Variants in TBL1X observed in about 807,000 individuals in gnomAD.
The protein encoded by TBL1X is F-box-like/WD repeat-containing protein TBL1X.
TBL1X carries 10 observed loss-of-function variants against 50.7 expected under a neutral mutation model. The ratio of observed to expected loss-of-function variants is 0.20; its 90% CI spans 0.12 to 0.33. The LOEUF is 0.33. Ranked by LOEUF, TBL1X falls within the 10% of genes least tolerant of loss-of-function variation. The probability of loss-of-function intolerance (pLI) is 1.00; values close to 1 mark genes in which losing one functional copy is unlikely to be tolerated. For missense variants in TBL1X, 340 were observed against 504.4 expected, an observed-to-expected ratio of 0.67 and a Z score of 3.12; for synonymous variants, 190 against 214.7, an observed-to-expected ratio of 0.88 and a Z score of 1.01.
chrX:9,590,089 A>G (rs752859228), intron 2 of TBL1X, among the ~76,000 whole-genome samples: 7 of 112,345 alleles, frequency 6.2e-5, no homozygotes, highest in Non-Finnish European at 1.1e-4. Flanking sequence ...TGACAAGGGA[A>G]GAACGGGGAA....
intron 5 of TBL1X, among the ~76,000 whole-genome samples, chrX:9,669,647 A>G (rs1325602701): frequency 1.8e-5 from 2 of 111,760 alleles, no homozygotes; most frequent in Non-Finnish European, 3.8e-5. Flanking sequence ...TGCCTTTGTC[A>G]TGCAAGCCCT....
intron 2 of TBL1X, among the ~76,000 whole-genome samples, chrX:9,580,069 A>G (rs1054469032): frequency 8.0e-5 from 9 of 112,514 alleles, no homozygotes; most frequent in Non-Finnish European, 1.5e-4. Context: ...ATGGCCTGTG[A>G]CACAGCCCTC....
intron 1 of TBL1X, among the ~76,000 whole-genome samples, chrX:9,476,160 A>G (rs1031199758): frequency 8.9e-6 from 1 of 112,295 alleles, no homozygotes; most frequent in African/African-American, 3.2e-5. Context: ...ATTTTTTACT[A>G]TCTAGATTGA....
At chrX:9,481,832 T>A (rs1020376483) in intron 1 of TBL1X, among the ~76,000 whole-genome samples, 5 of 112,425 alleles carry the variant, frequency 4.4e-5, no homozygotes, top group African/African-American at 1.6e-4. Context: ...TAATGTGAGA[T>A]TTCTTAGGGA....
chrX:9,557,487 G>A (rs897184130), intron 2 of TBL1X, among the ~76,000 whole-genome samples: 5 of 110,716 alleles, frequency 4.5e-5, no homozygotes, highest in Admixed American at 1.9e-4. Context: ...GGGCTGAGGC[G>A]ACTGGACTGG....
intron 1 of TBL1X, among the ~76,000 whole-genome samples, chrX:9,482,304 C>T (rs1233295881): frequency 8.9e-6 from 1 of 111,757 alleles, no homozygotes; most frequent in Non-Finnish European, 1.9e-5. Context: ...AGTCTAATGT[C>T]TGGATAAATT....
At chrX:9,567,320 A>G (rs2082356403) in intron 2 of TBL1X, among the ~76,000 whole-genome samples, 2 of 111,013 alleles carry the variant, frequency 1.8e-5, no homozygotes, top group South Asian at 7.7e-4. Context: ...TGGCCTCCTT[A>G]TCTTGCAGCT....
chrX:9,503,239 C>T (rs749031683), intron 2 of TBL1X, among the ~76,000 whole-genome samples: 1 of 111,992 alleles, frequency 8.9e-6, no homozygotes. Flanking sequence ...CCAGATAAGG[C>T]AGGAGGTGAG....
At chrX:9,581,452 A>T (rs1434889665) in intron 2 of TBL1X, among the ~76,000 whole-genome samples, 3 of 111,527 alleles carry the variant, frequency 2.7e-5, no homozygotes, top group African/African-American at 9.8e-5. Flanking sequence ...TAGGGCTCTG[A>T]TGCTCACCAG....
At chrX:9,644,542 G>A (rs902011483) in intron 3 of TBL1X, 13 of 112,190 alleles carry the variant, frequency 1.2e-4, no homozygotes, top group Admixed American at 6.6e-4. Context: ...TGCCGTTGAC[G>A]TGCATGTGGG....
chrX:9,488,606 CAT>C (rs1302352533), intron 1 of TBL1X, among the ~76,000 whole-genome samples: 3 of 111,976 alleles, frequency 2.7e-5, no homozygotes, highest in Non-Finnish European at 5.6e-5. Context: ...TATAAGGAAA[CAT>C]ATTCTCAGGT....
At chrX:9,714,850 AT>A in intron 16 of TBL1X, 51 bp from the exon 17 acceptor site, 1 of 1,118,913 alleles carries the variant, frequency 8.9e-7, no homozygotes, top group South Asian at 1.9e-5. Context: ...CCACACCTGC[AT>A]CTGTCGCAGG....
At chrX:9,550,960 A>AC (rs2082267760) in intron 2 of TBL1X, among the ~76,000 whole-genome samples, 4 of 109,407 alleles carry the variant, frequency 3.7e-5, no homozygotes, top group African/African-American at 1.4e-4. Flanking sequence ...TGTGCAGGAC[A>AC]GCCCCCCCCC....
At chrX:9,538,669 G>A (rs1158992937) in intron 2 of TBL1X, among the ~76,000 whole-genome samples, 1 of 112,456 alleles carries the variant, frequency 8.9e-6, no homozygotes. Context: ...TTGTACCGAA[G>A]GGTGAGGGGG....
At chrX:9,555,293 T>C (rs1280765990) in intron 2 of TBL1X, among the ~76,000 whole-genome samples, 2 of 111,234 alleles carry the variant, frequency 1.8e-5, no homozygotes, top group Non-Finnish European at 3.8e-5. Context: ...CCTAGGCTGG[T>C]CTTTTGAATT....
At chrX:9,510,241 A>G (rs1032544485) in intron 2 of TBL1X, among the ~76,000 whole-genome samples, 3 of 111,588 alleles carry the variant, frequency 2.7e-5, no homozygotes, top group African/African-American at 9.8e-5. Context: ...ACAGTGCCAC[A>G]GGTAAGAAAT....
At chrX:9,625,053 G>C (rs1387518016) in intron 2 of TBL1X, among the ~76,000 whole-genome samples, 2 of 112,344 alleles carry the variant, frequency 1.8e-5, no homozygotes, top group African/African-American at 6.5e-5. Flanking sequence ...TCACTCACTT[G>C]ATACTTGTAT....
intron 1 of TBL1X, among the ~76,000 whole-genome samples, chrX:9,481,282 T>C (rs2081881018): frequency 8.9e-6 from 1 of 112,172 alleles, no homozygotes; most frequent in Non-Finnish European, 1.9e-5. Flanking sequence ...CGAAATAAAC[T>C]TTTTCTGGCT....
chrX:9,557,409 G>A (rs1293245840), intron 2 of TBL1X, among the ~76,000 whole-genome samples: 2 of 111,490 alleles, frequency 1.8e-5, no homozygotes, highest in African/African-American at 3.3e-5. Context: ...CTGTGTCACC[G>A]TCCAGAGGCT....
Sources: gnomAD v4.1 joint callset for allele counts (sites outside exome capture counted in the v4.1 genomes callset) on GRCh38, gnomAD v4.1.1 for gene constraint, MANE v1.5 for transcripts, NCBI Gene and HGNC (gene_info 2026-07-23, HGNC 2026-07-21) for gene names.